The following SEMA3A variants were observed in gnomAD, a reference collection of about 807,000 sequenced individuals.
The protein encoded by SEMA3A is semaphorin-3A.
SEMA3A carries 29 observed loss-of-function variants against 97.9 expected under a neutral mutation model. The ratio of observed to expected loss-of-function variants is 0.30; its 90% CI spans 0.22 to 0.40. The LOEUF is 0.40. Among genes scored for constraint, SEMA3A ranks in the 10% least tolerant of loss-of-function variants. The probability of loss-of-function intolerance (pLI) is 1.00; values close to 1 mark genes in which losing one functional copy is unlikely to be tolerated. For synonymous variants in SEMA3A, 321 were observed against 323.7 expected, an observed-to-expected ratio of 0.99 and a Z score of 0.09; for missense variants, 763 against 951.3, an observed-to-expected ratio of 0.80 and a Z score of 2.60.
intron 2 of SEMA3A, among the ~76,000 whole-genome samples, chr7:84,325,044 T>C (rs1180795904): frequency 6.6e-6 from 1 of 152,148 alleles, no homozygotes; most frequent in Non-Finnish European, 1.5e-5. Context: ...ATAAATGCTA[T>C]ATATACCATA....
intron 3 of SEMA3A, among the ~76,000 whole-genome samples, chr7:84,242,409 C>T (rs1015722433): frequency 2.0e-5 from 3 of 152,156 alleles, no homozygotes; most frequent in African/African-American, 7.2e-5. Context: ...TGGGAGTTCA[C>T]TCATGATTTG....
At chr7:84,408,727 AG>A (rs1246411754) in intron 1 of SEMA3A, among the ~76,000 whole-genome samples, 1 of 151,518 alleles carries the variant, frequency 6.6e-6, no homozygotes, top group East Asian at 2.0e-4. Flanking sequence ...AAAAATGATG[AG>A]TTCATGTCCT....
At chr7:83,984,608 C>CT (rs371082897) in intron 13 of SEMA3A, among the ~76,000 whole-genome samples, 18,655 of 98,450 alleles carry the variant, frequency 0.19, 2,674 homozygotes, top group East Asian at 0.33. Flanking sequence ...GATTTTTCTG[C>CT]TTTTTTTTTT....
chr7:84,194,602 G>C lies in SEMA3A; in HGVS notation c.-16C>G, dbSNP rs374509051. On this transcript the variant is annotated 5_prime_UTR_variant, in exon 1 of 17. Transcript: ENST00000265362. ...ACCAGCCCATGCTGCAGACGCTGTA[G>C]GTCCCTTTGCTGCTTTAGTCTTCCT... The C allele has an allele frequency of 6.0e-6, 9 of 1,500,642 alleles. No homozygotes were observed. Among genetic ancestry groups the C allele is most frequent in the Non-Finnish European group, 8.4e-6 (9 of 1,077,368 alleles). The allele number at this position is 1,500,642 out of a possible 1,614,324, so 93.0% of individuals were successfully genotyped here. A position where few individuals can be genotyped will look rare whatever the true frequency, so the allele number is the denominator to read the frequency against.
chr7:83,975,325 ACACAG>A, intron 15 of SEMA3A, among the ~76,000 whole-genome samples: 1 of 152,276 alleles, frequency 6.6e-6, no homozygotes, highest in African/African-American at 2.4e-5. Context: ...AATTTTCAAA[ACACAG>A]CATAGTGTCC....
At chr7:84,148,487 A>G (rs1015982637) in intron 1 of SEMA3A, among the ~76,000 whole-genome samples, 1 of 152,150 alleles carries the variant, frequency 6.6e-6, no homozygotes, top group Non-Finnish European at 1.5e-5. Context: ...TCTTAGTCAC[A>G]ATAATGTCCT....
At chr7:84,245,620 G>A (rs1436109816) in intron 3 of SEMA3A, among the ~76,000 whole-genome samples, 1 of 151,710 alleles carries the variant, frequency 6.6e-6, no homozygotes, top group Non-Finnish European at 1.5e-5. Flanking sequence ...CTCTGCTGCA[G>A]GTCTGCTAGA....
At chr7:84,089,987 A>G (rs1187431781) in intron 4 of SEMA3A, among the ~76,000 whole-genome samples, 1 of 152,038 alleles carries the variant, frequency 6.6e-6, no homozygotes, top group African/African-American at 2.4e-5. Context: ...CTATTATTAT[A>G]TGATGGATGA....
intron 3 of SEMA3A, among the ~76,000 whole-genome samples, chr7:84,240,017 T>C (rs1799322136): frequency 6.6e-6 from 1 of 152,186 alleles, no homozygotes; most frequent in Non-Finnish European, 1.5e-5. Context: ...CAGTATCCTA[T>C]AAATTTTTAA....
chr7:84,202,198 A>G (rs1302023218), intron 3 of SEMA3A, among the ~76,000 whole-genome samples: 2 of 152,174 alleles, frequency 1.3e-5, no homozygotes, highest in Admixed American at 1.3e-4. Context: ...TGAATTCTAG[A>G]AAAATGCTAA....
chr7:84,137,542 C>T lies in SEMA3A; in HGVS notation c.113-2591G>A, dbSNP rs576787287. The stretch of plus-strand genomic sequence containing the variant: ...GTGTGAGGATGGAAACGGGCTGCTG[C>T]CAGAGGCACGGGCTGTATCACTGGA... On this transcript the variant is annotated intron_variant, in intron 1 of 16. Transcript: ENST00000265362. Among the ~76,000 whole-genome samples, 427 of 151,888 alleles carry T rather than the reference C, an allele frequency of 2.8e-3. 1 individual carries two copies. The highest frequency in any genetic ancestry group is 4.8e-3 in the Admixed American group (74 of 15,258).
At chr7:84,042,798 C>T (rs1281634576) in intron 6 of SEMA3A, among the ~76,000 whole-genome samples, 1 of 151,922 alleles carries the variant, frequency 6.6e-6, no homozygotes, top group Non-Finnish European at 1.5e-5. Flanking sequence ...AAACAGTCTC[C>T]ATCAAATAAG....
intron 1 of SEMA3A, among the ~76,000 whole-genome samples, chr7:84,461,252 A>G (rs1024637350): frequency 6.6e-6 from 1 of 152,162 alleles, no homozygotes; most frequent in Non-Finnish European, 1.5e-5. Context: ...CTTATGTTTC[A>G]GTCATTTACA....
At position 84,021,654 on chromosome 7, in the gene SEMA3A, T is replaced by C. The variant is rs1791333379; in HGVS notation, c.668-7303A>G. On this transcript the variant is annotated intron_variant, in intron 6 of 16. Coordinates refer to ENST00000265362, the MANE Select transcript of SEMA3A (RefSeq NM_006080.3). ...AATCACTTGTTTCCCTCCATCATCT[T>C]GTAAACTAATATCCCTATTTTTTTC... is the stretch of plus-strand genomic sequence containing the variant. Among the ~76,000 whole-genome samples the C allele has an allele frequency of 2.6e-5, 4 of 152,370 alleles. No homozygotes were observed. The South Asian group carries it at 8.3e-4, about 32-fold the overall frequency.
intron 6 of SEMA3A, among the ~76,000 whole-genome samples, chr7:84,039,705 T>C (rs1276254620): frequency 6.6e-6 from 1 of 152,076 alleles, no homozygotes; most frequent in African/African-American, 2.4e-5. Flanking sequence ...GTGCTGTATT[T>C]AGGGAGAAAT....
chr7:83,995,705 A>T (rs1790188255), intron 12 of SEMA3A, among the ~76,000 whole-genome samples: 1 of 59,176 alleles, frequency 1.7e-5, no homozygotes, highest in South Asian at 4.7e-4. Context: ...GTGTTCGAGT[A>T]AAAATAAAAT....
intron 1 of SEMA3A, among the ~76,000 whole-genome samples, chr7:84,138,269 T>C (rs1282651158): frequency 1.2e-4 from 19 of 152,118 alleles, no homozygotes; most frequent in Admixed American, 1.2e-3. Context: ...CTTGTAAACA[T>C]CAGTAATTTT....
At position 84,376,850 on chromosome 7, in the gene SEMA3A, TTATGTATG is replaced by T. The variant is rs144265483; in HGVS notation, c.-245-4958_-245-4951del. On this transcript the variant is annotated intron_variant, in intron 1 of 3. Transcript: ENST00000424555. Reference sequence around the variant, plus strand: ...TGCATATTTTTAATCAGATTTATTTTTATGTATGTATGTATGTATGTATGTATGTTGCT... The same window carrying T: ...TGCATATTTTTAATCAGATTTATTTTTATGTATGTATGTATGTATGTTGCT... Among the ~76,000 whole-genome samples the T allele has an allele frequency of 4.0e-3, 599 of 151,382 alleles. 1 individual carries two copies. Among genetic ancestry groups the T allele is most frequent in the African/African-American group, 0.011 (448 of 41,276 alleles).
In SEMA3A at chr7:84,192,069, T is replaced by C. The variant is rs189808622; in HGVS notation, c.112+2406A>G. Among the ~76,000 whole-genome samples, 44 of 152,056 alleles carry C rather than the reference T, an allele frequency of 2.9e-4. 1 individual carries two copies. The East Asian group carries it at 6.0e-3, about 21-fold the overall frequency. On this transcript the variant is annotated intron_variant, in intron 1 of 16. Coordinates refer to ENST00000265362, the MANE Select transcript of SEMA3A (RefSeq NM_006080.3). ...TTGGCAACCTGAGCAATGAGAGAGT[T>C]AATGGTGGATCTTTGAAAACAAGTG...
Sources: allele counts gnomAD v4.1 joint callset (sites outside exome capture counted in the v4.1 genomes callset), GRCh38; gene constraint gnomAD v4.1.1; transcripts MANE v1.5; gene names NCBI Gene and HGNC (gene_info 2026-07-23, HGNC 2026-07-21).